TRPC1: variants seen among roughly 807,000 people sequenced by gnomAD.
TRPC1 encodes the protein short transient receptor potential channel 1.
In TRPC1, 42 loss-of-function variants were observed where a neutral mutation model predicts 88.2. The observed-to-expected ratio is 0.48, with a 90% CI of 0.37 to 0.62. The LOEUF (loss-of-function observed/expected upper bound fraction) is 0.62. Among genes scored for constraint, TRPC1 ranks in the 20% least tolerant of loss-of-function variants. The pLI is 0.00. For synonymous variants in TRPC1, 288 were observed against 331.8 expected, an observed-to-expected ratio of 0.87 and a Z score of 1.43; for missense variants, 699 against 957.3, an observed-to-expected ratio of 0.73 and a Z score of 3.56.
In TRPC1 at chr3:142,724,581, A is replaced by C. The variant is rs1933583289; in HGVS notation, c.22A>C (p.Ser8Arg). Reference sequence around the variant, plus strand: ...CGCGATGATGGCGGCCCTGTACCCGAGCACGGACCTCTCGGGCGCCTCCTC... The same window carrying C: ...CGCGATGATGGCGGCCCTGTACCCGCGCACGGACCTCTCGGGCGCCTCCTC... MMAALYP[S>R]TDLSGASSSS... Residue 8 changes from serine to arginine, a missense_variant, in exon 1 of 13, where the codon AGC becomes CGC. By Grantham distance (110) the Ser-to-Arg change is moderately radical. Transcript: ENST00000476941. This position sits in a 1 kb window ranked among gnomAD's most constrained non-coding sequence, Gnocchi z 5.6. 6.3e-7 allele frequency: 1 copy of C among 1,588,400 alleles called. No homozygotes were observed. The highest frequency in any genetic ancestry group is 1.4e-5 in the African/African-American group (1 of 73,658).
intron 2 of TRPC1, among the ~76,000 whole-genome samples, chr3:142,740,852 C>G (rs2108030121): frequency 6.6e-6 from 1 of 152,164 alleles, no homozygotes; most frequent in East Asian, 1.9e-4. Context: ...AGCTAGTAAG[C>G]AAGTTAGCAA....
chr3:142,784,793 G>T lies in TRPC1; in HGVS notation c.1050G>T (p.Lys350Asn). Residue 350 changes from lysine (K) to asparagine (N), a missense_variant, in exon 7 of 13, where the codon AAG becomes AAT. Lys to Asn is a moderately conservative substitution (Grantham distance 94). Coordinates refer to ENST00000476941, the MANE Select transcript of TRPC1 (RefSeq NM_001251845.2). Reference sequence around the variant, plus strand: ...ACCGACGCAAGCCCACCTGTAAGAAGATAATGACTGTTTTGACAGTAGGCA... The same window carrying T: ...ACCGACGCAAGCCCACCTGTAAGAATATAATGACTGTTTTGACAGTAGGCA... Reference protein sequence around the residue: ...SGYRRKPTCKKIMTVLTVGIF... With the variant: ...SGYRRKPTCKNIMTVLTVGIF... 3 of 1,614,154 alleles carry T rather than the reference G, an allele frequency of 1.9e-6. No homozygotes were observed. The highest frequency in any genetic ancestry group is 2.5e-6 in the Non-Finnish European group (3 of 1,180,006).
At chr3:142,800,489 T>G (rs1377178861) in intron 9 of TRPC1, among the ~76,000 whole-genome samples, 1 of 152,168 alleles carries the variant, frequency 6.6e-6, no homozygotes, top group Non-Finnish European at 1.5e-5. Context: ...TTTGTATCAC[T>G]GAAAGCGGGA....
intron 10 of TRPC1, among the ~76,000 whole-genome samples, chr3:142,802,992 A>G (rs924860535): frequency 9.2e-5 from 14 of 152,198 alleles, no homozygotes; most frequent in Admixed American, 4.6e-4. Flanking sequence ...TCAGTGTACC[A>G]CTTACTATAT....
intron 2 of TRPC1, among the ~76,000 whole-genome samples, chr3:142,739,078 T>C (rs1244445700): frequency 6.6e-6 from 1 of 152,092 alleles, no homozygotes; most frequent in Non-Finnish European, 1.5e-5. Context: ...TTCAAGCGAT[T>C]CTCCTGCCTC....
At chr3:142,801,918 C>T (rs1212085976) in intron 9 of TRPC1, among the ~76,000 whole-genome samples, 1 of 152,096 alleles carries the variant, frequency 6.6e-6, no homozygotes, top group Non-Finnish European at 1.5e-5. Context: ...ACAACAATGT[C>T]CTCTGAAACC....
At position 142,741,603 on chromosome 3, in the gene TRPC1, C is replaced by T. The variant is rs564618452; in HGVS notation, c.328-1882C>T. Among the ~76,000 whole-genome samples the T allele has an allele frequency of 5.8e-4, 88 of 152,230 alleles. 1 individual carries two copies. The highest frequency in any genetic ancestry group is 3.9e-4 in the African/African-American group (16 of 41,538). On this transcript the variant is annotated intron_variant, in intron 2 of 12. Transcript: ENST00000476941. The stretch of plus-strand genomic sequence containing the variant: ...GTAATTCTTTCTTCCTTTCCCTCTA[C>T]GCTGTTGGTTTTAATCTTGCTATTC...
intron 1 of TRPC1, among the ~76,000 whole-genome samples, chr3:142,731,900 G>A (rs1451939338): frequency 6.6e-6 from 1 of 152,100 alleles, no homozygotes; most frequent in Non-Finnish European, 1.5e-5. Flanking sequence ...AAATTTCAGT[G>A]TCCATAAACA....
intron 1 of TRPC1, 122 bp from the exon 2 acceptor site, chr3:142,736,257 T>G: frequency 1.5e-6 from 1 of 669,750 alleles, no homozygotes; most frequent in Non-Finnish European, 2.3e-6. Flanking sequence ...TGTGTACATT[T>G]TCTTATACAA....
chr3:142,727,136 T>A (rs1232287883), intron 1 of TRPC1, among the ~76,000 whole-genome samples: 1 of 152,218 alleles, frequency 6.6e-6, no homozygotes, highest in African/African-American at 2.4e-5. Context: ...TGAAATTACA[T>A]TTTCTTTGTA....
chr3:142,749,204 A>G (rs536719942), intron 4 of TRPC1, among the ~76,000 whole-genome samples: 17 of 152,332 alleles, frequency 1.1e-4, no homozygotes, highest in African/African-American at 3.8e-4. Flanking sequence ...ATCATAGTGC[A>G]ACGCATTACT....
At chr3:142,745,885 G>T (rs994725510) in intron 3 of TRPC1, among the ~76,000 whole-genome samples, 1 of 151,968 alleles carries the variant, frequency 6.6e-6, no homozygotes, top group African/African-American at 2.4e-5. Flanking sequence ...AGCCTCCGGA[G>T]TAACTGGGAT....
chr3:142,737,080 T>C (rs1219384698), intron 2 of TRPC1, among the ~76,000 whole-genome samples: 1 of 152,146 alleles, frequency 6.6e-6, no homozygotes, highest in Non-Finnish European at 1.5e-5. Flanking sequence ...TCCTACTTCA[T>C]ATCAGTTTGG....
At chr3:142,732,675 A>G (rs1235878297) in intron 1 of TRPC1, among the ~76,000 whole-genome samples, 1 of 152,162 alleles carries the variant, frequency 6.6e-6, no homozygotes, top group African/African-American at 2.4e-5. Context: ...CTCCCTGTGG[A>G]ATTGATTGAA....
chr3:142,729,679 C>T (rs1933818816), intron 1 of TRPC1, among the ~76,000 whole-genome samples: 1 of 152,146 alleles, frequency 6.6e-6, no homozygotes, highest in African/African-American at 2.4e-5. Context: ...AATAATTCCT[C>T]TTCTACCTTG....
chr3:142,759,215 G>T (rs575066481), intron 4 of TRPC1, among the ~76,000 whole-genome samples: 40 of 152,236 alleles, frequency 2.6e-4, no homozygotes, highest in Non-Finnish European at 5.0e-4. Context: ...TGGGTCAAAT[G>T]GTATTTCTAG....
Position 142,802,177 on chromosome 3 carries a change from GGGA to G in TRPC1, c.1591_1593del (p.Gly531del). 2 of 1,566,080 alleles carry G rather than the reference GGGA, an allele frequency of 1.3e-6. No individual in the cohort carries two copies. Among genetic ancestry groups the G allele is most frequent in the Non-Finnish European group, 1.7e-6 (2 of 1,162,096 alleles). ...TGTAATATATTCCACAGATTTCAAT[GGGA>G]CAGATGTTACAAGATTTTGGAAAAT... On this transcript the variant is annotated inframe_deletion, in exon 10 of 13. Coordinates refer to ENST00000476941, the MANE Select transcript of TRPC1 (RefSeq NM_001251845.2).
intron 2 of TRPC1, 67 bp from the exon 3 acceptor site, chr3:142,743,418 T>C (rs1934426162): frequency 8.4e-7 from 1 of 1,184,120 alleles, no homozygotes; most frequent in Admixed American, 2.9e-5. Context: ...TATTTATGAA[T>C]TAGTAAAAAG....
intron 4 of TRPC1, among the ~76,000 whole-genome samples, chr3:142,764,038 A>G (rs1935302653): frequency 6.9e-6 from 1 of 144,724 alleles, no homozygotes; most frequent in African/African-American, 2.6e-5. Flanking sequence ...TAAAGAGATG[A>G]CACTTATTTT....
Sources: allele counts gnomAD v4.1 joint callset (sites outside exome capture counted in the v4.1 genomes callset), GRCh38; gene constraint gnomAD v4.1.1; non-coding constraint Gnocchi (gnomAD v3.1); transcripts MANE v1.5; gene names NCBI Gene and HGNC (gene_info 2026-07-23, HGNC 2026-07-21).